Variants in NOTCH1 observed in about 807,000 individuals in gnomAD.
NOTCH1 encodes the protein notch receptor 1.
Under a neutral mutation model 254.8 loss-of-function variants are expected in NOTCH1, and 37 were observed. That is an observed-to-expected ratio of 0.15 (90% CI 0.11 to 0.19). The LOEUF (loss-of-function observed/expected upper bound fraction) is 0.19, where lower values mean the gene tolerates loss of function less well. Among genes scored for constraint, NOTCH1 ranks in the 10% least tolerant of loss-of-function variants. The probability of loss-of-function intolerance (pLI) is 1.00; values close to 1 mark genes in which losing one functional copy is unlikely to be tolerated. For missense variants in NOTCH1, 2,972 were observed against 3,708.6 expected (o/e 0.80, Z 5.16); for synonymous variants, 1,731 against 1,618.1 (o/e 1.07, Z -1.68).
At chr9:136,525,861 T>G (rs1843451458) in intron 2 of NOTCH1, among the ~76,000 whole-genome samples, 1 of 152,228 alleles carries the variant, frequency 6.6e-6, no homozygotes, top group Non-Finnish European at 1.5e-5. Context: ...CCCCGAAGGC[T>G]TTTACCCGTG....
rs2133343079 is a variant in NOTCH1, at chr9:136,506,703, G to A, written c.3901+13C>T. ...TGCCCCACACGCCCCACCCGCCTGG[G>A]CGCGGCACCCACCGGTGTGACCAGC... On this transcript the variant is annotated intron_variant, in intron 23 of 33. Transcript: ENST00000651671. The surrounding 1 kb of genome is among the most constrained non-coding windows in gnomAD (Gnocchi z 4.5). The A allele has an allele frequency of 6.3e-7, 1 of 1,596,862 alleles. No homozygotes were observed. The highest frequency in any genetic ancestry group is 8.5e-7 in the Non-Finnish European group (1 of 1,172,572).
intron 10 of NOTCH1, 84 bp from the exon 11 acceptor site, chr9:136,515,800 G>A: frequency 7.5e-7 from 1 of 1,337,272 alleles, no homozygotes; most frequent in Admixed American, 2.0e-5. Context: ...GGTCACCTGT[G>A]CCAACCTGAG....
chr9:136,521,082 G>A (rs549903343), intron 4 of NOTCH1, among the ~76,000 whole-genome samples: 1 of 152,328 alleles, frequency 6.6e-6, no homozygotes, highest in African/African-American at 2.4e-5. Context: ...ACACACAGCT[G>A]TCTCCTGGGC....
At position 136,504,918 on chromosome 9, in the gene NOTCH1, G is replaced by C. The variant is rs1228910844; in HGVS notation, c.4773C>G (p.His1591Gln). Residue 1591 changes from histidine to glutamine, a missense_variant, in exon 26 of 34, where the codon CAC becomes CAG. Around this residue, in one of 8 missense-constraint regions of NOTCH1, gnomAD observed 1,343 missense variants for 1,557.0 expected, o/e 0.86. Coordinates refer to ENST00000651671, the MANE Select transcript of NOTCH1 (RefSeq NM_017617.5). ...PPEQLRNSSFHFLRELSRVLH... is the reference protein window; with the variant it reads ...PPEQLRNSSFQFLRELSRVLH... ...GCACGCGGCTGAGCTCCCGCAGGAA[G>C]TGGAAGGAGCTGTTGCGCAGCTGCT... 5 of 1,588,640 alleles carry C rather than the reference G, an allele frequency of 3.1e-6. No individual in the cohort carries two copies. Among genetic ancestry groups the C allele is most frequent in the Non-Finnish European group, 4.3e-6 (5 of 1,168,534 alleles).
At chr9:136,510,938 C>T (rs1429997776) in intron 16 of NOTCH1, 133 bp from the exon 17 acceptor site, 5 of 1,405,672 alleles carry the variant, frequency 3.6e-6, no homozygotes, top group Admixed American at 1.9e-5. Flanking sequence ...ACCATCCCCT[C>T]TCCCCTAATT....
chr9:136,511,255 C>T lies in NOTCH1; in HGVS notation c.2484G>A (p.Val828=), dbSNP rs375062132. ...GGCTGGGGGCACACGGGGCCAGCAC[C>T]ACCTCACACGTGGCACCTGCGGGAA... is the stretch of plus-strand genomic sequence containing the variant. The part of the protein sequence containing the change: ...LLPYTGATCE[V]VLAPCAPSPC... The change falls in exon 16 of 34, where the codon GTG becomes GTA. Residue 828 remains valine, a synonymous_variant. Coordinates refer to ENST00000651671, the MANE Select transcript of NOTCH1 (RefSeq NM_017617.5). 6.2e-7 allele frequency: 1 copy of T among 1,612,246 alleles called. No individual in the cohort carries two copies. Among genetic ancestry groups the T allele is most frequent in the Non-Finnish European group, 8.5e-7 (1 of 1,179,892 alleles).
chr9:136,540,616 T>TATCAGCCCG lies in NOTCH1; in HGVS notation c.140+3399_140+3407dup, dbSNP rs57682153. ...ACACACCACCAAGAGATCCAGCGTG[T>TATCAGCCCG]ATCAGCCCGGCTGACATGCTGGGGA... On this transcript the variant is annotated intron_variant, in intron 2 of 33. Transcript: ENST00000651671. The surrounding 1 kb of genome is among the most constrained non-coding windows in gnomAD (Gnocchi z 4.4). 0.08 allele frequency among the ~76,000 whole-genome samples: 12,174 copies of TATCAGCCCG among 151,870 alleles called. 897 individuals carry two copies. The highest frequency in any genetic ancestry group is 0.2 in the African/African-American group (8,164 of 41,294).
intron 2 of NOTCH1, among the ~76,000 whole-genome samples, chr9:136,526,797 A>G (rs1023160083): frequency 4.8e-4 from 73 of 152,348 alleles, no homozygotes; most frequent in African/African-American, 1.7e-3. Flanking sequence ...AACACGCCCC[A>G]TAAATCAGGC....
Position 136,499,113 on chromosome 9 carries a change from C to A in NOTCH1, c.6081G>T (p.Leu2027=), listed in dbSNP as rs2133322479. ...SHADVNAVDD[L]GKSALHWAAA... is the part of the protein sequence containing the mutation. ...GCAGCCGTGCCCCCGTGGGCTCACC[C>A]AGGTCATCTACGGCGTTGACGTCGG... Residue 2027 remains leucine, a splice_region_variant and synonymous_variant, in exon 32 of 34, where the codon CTG becomes CTT. Transcript: ENST00000651671. 1.9e-6 allele frequency: 3 copies of A among 1,613,198 alleles called. No individual in the cohort carries two copies. Among genetic ancestry groups the A allele is most frequent in the Non-Finnish European group, 2.5e-6 (3 of 1,179,994 alleles).
chr9:136,500,633 G>A lies in NOTCH1; in HGVS notation c.5853C>T (p.Ser1951=), dbSNP rs373902356. The A allele has an allele frequency of 2.2e-5, 35 of 1,611,848 alleles. No homozygotes were observed. In the Admixed American group the frequency reaches 3.2e-4, roughly 15 times the overall value. Reference sequence around the variant, plus strand: ...TGTTGTCCTGGATGTTGGCATCTGCGCTGGCCTCCAGCAGGCGCTTGGCGG... The same window carrying A: ...TGTTGTCCTGGATGTTGGCATCTGCACTGGCCTCCAGCAGGCGCTTGGCGG... ...SDAAKRLLEA[S]ADANIQDNMG... is the part of the protein sequence containing the mutation. The change falls in exon 31 of 34, where the codon AGC becomes AGT. Residue 1951 remains serine, a synonymous_variant. Coordinates refer to ENST00000651671, the MANE Select transcript of NOTCH1 (RefSeq NM_017617.5).
chr9:136,520,711 CT>C (rs1281708730), intron 4 of NOTCH1, among the ~76,000 whole-genome samples: 2 of 150,150 alleles, frequency 1.3e-5, no homozygotes, highest in African/African-American at 4.9e-5. Context: ...GTACTCCAGC[CT>C]GAGTGACAGA....
chr9:136,497,657 C>A, intron 33 of NOTCH1, 99 bp from the exon 34 acceptor site: 1 of 1,039,726 alleles, frequency 9.6e-7, no homozygotes, highest in Non-Finnish European at 1.4e-6. Flanking sequence ...ACAACCTCCT[C>A]CGCGGGGTGG....
At chr9:136,516,885 G>A (rs1291592011) in intron 9 of NOTCH1, among the ~76,000 whole-genome samples, 1 of 152,204 alleles carries the variant, frequency 6.6e-6, no homozygotes, top group Non-Finnish European at 1.5e-5. Context: ...CGCTCTCCTG[G>A]GAATCTGAAC....
intron 4 of NOTCH1, among the ~76,000 whole-genome samples, chr9:136,521,273 G>A (rs1305907682): frequency 6.6e-6 from 1 of 152,064 alleles, no homozygotes; most frequent in South Asian, 2.1e-4. Flanking sequence ...CACCGGACGG[G>A]TGACCCAGCC....
At chr9:136,507,586 G>A (rs1420056120) in intron 21 of NOTCH1, 149 bp from the exon 22 acceptor site, 10 of 1,179,872 alleles carry the variant, frequency 8.5e-6, no homozygotes, top group Admixed American at 2.0e-5. Context: ...CAGACCTGGA[G>A]AGAGACCCAG....
intron 2 of NOTCH1, chr9:136,543,267 T>TGCCTAGAGGAGGCATCACCC (rs1843758440): frequency 5.0e-6 from 1 of 201,704 alleles, no homozygotes; most frequent in Admixed American, 5.8e-5. Context: ...GTATCACCTG[T>TGCCTAGAGGAGGCATCACCC]GCCTAGAGGA....
At chr9:136,498,067 G>C (rs561437798) in intron 33 of NOTCH1, among the ~76,000 whole-genome samples, 39 of 152,318 alleles carry the variant, frequency 2.6e-4, no homozygotes, top group African/African-American at 8.7e-4. Context: ...GGAGTGGGAA[G>C]GGGCTTCCCA....
chr9:136,532,055 G>A (rs149978357), intron 2 of NOTCH1, among the ~76,000 whole-genome samples: 6 of 152,226 alleles, frequency 3.9e-5, no homozygotes, highest in Admixed American at 2.6e-4. Context: ...CGGGCCCAGC[G>A]TGATCACCGG....
chr9:136,499,056 C>T (rs2133322241), intron 32 of NOTCH1, 56 bp downstream of exon 32: 1 of 1,612,664 alleles, frequency 6.2e-7, no homozygotes, highest in Admixed American at 1.7e-5. Flanking sequence ...CCAGTCCCAC[C>T]CGTCCCTGTG....
Sources: gnomAD v4.1 joint callset for allele counts (sites outside exome capture counted in the v4.1 genomes callset) on GRCh38, gnomAD v4.1.1 for gene constraint, gnomAD v4.1.1 regional missense constraint, Gnocchi (gnomAD v3.1) non-coding constraint, MANE v1.5 for transcripts, NCBI Gene and HGNC (gene_info 2026-07-23, HGNC 2026-07-21) for gene names.